Variants in RBFOX1 observed in about 807,000 individuals in gnomAD.
RBFOX1 encodes RNA binding protein fox-1 homolog 1.
In RBFOX1, 8 loss-of-function variants were observed where a neutral mutation model predicts 57.7. That is an observed-to-expected ratio of 0.14 (90% confidence interval 0.08 to 0.25). The LOEUF is 0.25. Ranked by LOEUF, RBFOX1 falls within the 10% of genes least tolerant of loss-of-function variation. The pLI, the probability that RBFOX1 is intolerant of heterozygous loss-of-function variation, is 1.00. For missense variants in RBFOX1, 611 were observed against 548.5 expected (o/e 1.11, Z -1.14); for synonymous variants, 326 against 222.4 (o/e 1.47, Z -4.15).
intron 3 of RBFOX1, among the ~76,000 whole-genome samples, chr16:6,786,330 C>G (rs376409936): frequency 3.9e-5 from 6 of 152,264 alleles, no homozygotes; most frequent in East Asian, 1.9e-4. Flanking sequence ...TACAAAGGCC[C>G]ACAATGTACC....
At chr16:7,454,939 T>C (rs1274155884) in intron 4 of RBFOX1, among the ~76,000 whole-genome samples, 1 of 152,146 alleles carries the variant, frequency 6.6e-6, no homozygotes, top group Non-Finnish European at 1.5e-5. Flanking sequence ...GGCCAACCCC[T>C]TTTCCCAGCC....
intron 2 of RBFOX1, among the ~76,000 whole-genome samples, chr16:6,481,785 C>T (rs1242785506): frequency 6.6e-6 from 1 of 152,128 alleles, no homozygotes; most frequent in East Asian, 1.9e-4. Flanking sequence ...TTATGGTTAT[C>T]TCAGCATCCG....
At chr16:6,832,033 A>T (rs903973944) in intron 3 of RBFOX1, among the ~76,000 whole-genome samples, 1 of 152,248 alleles carries the variant, frequency 6.6e-6, no homozygotes, top group African/African-American at 2.4e-5. Flanking sequence ...GAATTCATTG[A>T]CAGCCTGCAC....
chr16:6,370,316 C>T (rs1028701505), intron 2 of RBFOX1, among the ~76,000 whole-genome samples: 5 of 122,230 alleles, frequency 4.1e-5, no homozygotes, highest in African/African-American at 9.4e-5. Flanking sequence ...CGAGATCATG[C>T]CACTGCACTC....
chr16:6,375,310 A>G (rs2091024188), intron 2 of RBFOX1, among the ~76,000 whole-genome samples: 1 of 152,166 alleles, frequency 6.6e-6, no homozygotes. Flanking sequence ...AAACAAAAAC[A>G]AAAACCACCT....
intron 4 of RBFOX1, chr16:7,304,608 A>G (rs371500898): frequency 2.0e-6 from 2 of 983,164 alleles, no homozygotes; most frequent in African/African-American, 3.5e-5. Context: ...CCGCGTTGCG[A>G]TGGAAAGGGT....
intron 2 of RBFOX1, among the ~76,000 whole-genome samples, chr16:6,638,514 T>A (rs144582001): frequency 1.3e-3 from 194 of 152,300 alleles, no homozygotes; most frequent in African/African-American, 4.2e-3. Flanking sequence ...GCATATTAAC[T>A]TTTACTACCA....
chr16:7,064,690 C>T (rs1350306658), intron 4 of RBFOX1, among the ~76,000 whole-genome samples: 2 of 152,106 alleles, frequency 1.3e-5, no homozygotes, highest in Non-Finnish European at 2.9e-5. Context: ...GTTACGGTAG[C>T]CCTAGCAAAC....
chr16:6,313,293 A>G (rs969517448), intron 1 of RBFOX1, among the ~76,000 whole-genome samples: 15 of 152,214 alleles, frequency 9.9e-5, no homozygotes, highest in African/African-American at 3.4e-4. Flanking sequence ...GGAAGCCAGC[A>G]ATGTAGGATT....
At chr16:6,907,595 A>C (rs75126207) in intron 3 of RBFOX1, among the ~76,000 whole-genome samples, 92 of 151,986 alleles carry the variant, frequency 6.1e-4, no homozygotes, top group African/African-American at 2.1e-3. Flanking sequence ...TTTTTGATGG[A>C]GTCTCACTCT....
At chr16:6,302,129 C>T (rs982706471) in intron 1 of RBFOX1, among the ~76,000 whole-genome samples, 8 of 152,026 alleles carry the variant, frequency 5.3e-5, no homozygotes, top group African/African-American at 1.9e-4. Flanking sequence ...TATTTCTTAC[C>T]TGAAATCATG....
At chr16:6,892,895 C>G (rs2065867108) in intron 3 of RBFOX1, among the ~76,000 whole-genome samples, 1 of 151,636 alleles carries the variant, frequency 6.6e-6, no homozygotes, top group Non-Finnish European at 1.5e-5. Context: ...TTTCTCACCA[C>G]TCACTCTCAG....
At chr16:7,225,700 C>T (rs896456816) in intron 4 of RBFOX1, among the ~76,000 whole-genome samples, 3 of 129,440 alleles carry the variant, frequency 2.3e-5, no homozygotes, top group East Asian at 4.5e-4. Context: ...ATAGAATTGG[C>T]GTTTGTCAAA....
intron 3 of RBFOX1, among the ~76,000 whole-genome samples, chr16:6,866,520 G>C (rs567670026): frequency 3.3e-4 from 44 of 134,900 alleles, no homozygotes; most frequent in Non-Finnish European, 6.2e-4. Context: ...AAAAAATAAG[G>C]TTAGGGCTTT....
At chr16:6,108,067 T>G (rs963703016) in intron 1 of RBFOX1, among the ~76,000 whole-genome samples, 1 of 152,232 alleles carries the variant, frequency 6.6e-6, no homozygotes. Context: ...CAATACTTAA[T>G]GGATCATAAG....
rs2066026187 is a variant in RBFOX1 at position 5,377,828 on chromosome 16, T to C, written c.220-89388T>C. On this transcript the variant is annotated intron_variant, in intron 1 of 2. Coordinates refer to the RBFOX1 transcript ENST00000585867. ...ATATGCAAAAAAGCCTTCTGAAACA[T>C]TGTGAGAACATTTTCAACACAAGTT... Among the ~76,000 whole-genome samples the C allele has an allele frequency of 1.3e-5, 2 of 151,580 alleles. 1 individual carries two copies. The highest frequency in any genetic ancestry group is 4.9e-5 in the African/African-American group (2 of 40,854).
At chr16:6,442,043 T>C (rs1442577987) in intron 2 of RBFOX1, among the ~76,000 whole-genome samples, 1 of 152,364 alleles carries the variant, frequency 6.6e-6, no homozygotes, top group East Asian at 1.9e-4. Flanking sequence ...GTTTCCAAGC[T>C]TTTAATTCTT....
chr16:7,362,165 G>C (rs560109875), intron 4 of RBFOX1, among the ~76,000 whole-genome samples: 2 of 145,258 alleles, frequency 1.4e-5, no homozygotes, highest in African/African-American at 5.5e-5. Context: ...TGTATGTTTT[G>C]TATGCTTGCT....
At chr16:7,561,234 G>T (rs143473699) in intron 5 of RBFOX1, among the ~76,000 whole-genome samples, 42 of 152,308 alleles carry the variant, frequency 2.8e-4, no homozygotes, top group African/African-American at 9.1e-4. Context: ...TCAAAACACA[G>T]CCACATTCAT....
Sources: gnomAD v4.1 joint callset for allele counts (sites outside exome capture counted in the v4.1 genomes callset) on GRCh38, gnomAD v4.1.1 for gene constraint, MANE v1.5 for transcripts, NCBI Gene and HGNC (gene_info 2026-07-23, HGNC 2026-07-21) for gene names.